The following TMED8 variants were observed in gnomAD, a reference collection of about 807,000 sequenced individuals.
TMED8 encodes transmembrane p24 trafficking protein family member 8.
A neutral mutation model predicts 32.7 loss-of-function variants in TMED8; 15 were observed. The ratio of observed to expected loss-of-function variants is 0.46; its 90% CI spans 0.31 to 0.71. The LOEUF (loss-of-function observed/expected upper bound fraction) is 0.71. TMED8 is among the 30% of genes least tolerant of loss of function. The pLI is 0.06. For missense variants in TMED8, 390 were observed against 423.9 expected, an observed-to-expected ratio of 0.92 and a Z score of 0.70; for synonymous variants, 147 against 161.4, an observed-to-expected ratio of 0.91 and a Z score of 0.68.
At chr14:77,369,620 G>A (rs1453414939) in intron 1 of TMED8, among the ~76,000 whole-genome samples, 1 of 152,106 alleles carries the variant, frequency 6.6e-6, no homozygotes, top group Non-Finnish European at 1.5e-5. Context: ...TGTACCCTCA[G>A]GAGACAAAAG....
intron 1 of TMED8, among the ~76,000 whole-genome samples, chr14:77,370,525 T>TTG (rs142679650): frequency 5.3e-5 from 8 of 152,190 alleles, no homozygotes; most frequent in Admixed American, 2.6e-4. Context: ...CATGCCAAGT[T>TTG]TGTGTGTGTG....
intron 1 of TMED8, among the ~76,000 whole-genome samples, chr14:77,352,592 A>C (rs1380742512): frequency 1.3e-5 from 2 of 151,924 alleles, no homozygotes; most frequent in African/African-American, 4.8e-5. Flanking sequence ...TATAAAAATT[A>C]GCCGGGCATG....
chr14:77,372,956 T>A (rs1273366466), intron 1 of TMED8, among the ~76,000 whole-genome samples: 118 of 39,176 alleles, frequency 3.0e-3, no homozygotes, highest in East Asian at 4.9e-3. Flanking sequence ...ATATATATTT[T>A]TTTTTTTTTT....
Position 77,369,338 on chromosome 14 carries a change from G to T in TMED8, c.118+7598C>A, listed in dbSNP as rs1893625896. ...TTCAAGAGTGTCTTTGCTATTTGTG[G>T]CCTTCTATTTCTATATGTATTTTAG... On this transcript the variant is annotated intron_variant, in intron 1 of 5. Transcript: ENST00000216468. Among the ~76,000 whole-genome samples, 4 of 152,136 alleles carry T rather than the reference G, an allele frequency of 2.6e-5. No homozygotes were observed. The South Asian group carries it at 8.3e-4, about 31-fold the overall frequency.
At position 77,337,448 on chromosome 14, in the gene TMED8, G is replaced by A. The variant is rs941135017; in HGVS notation, c.*4323C>T. 1 of 152,118 alleles carries A rather than the reference G, an allele frequency of 6.6e-6. No individual in the cohort carries two copies. Among genetic ancestry groups the A allele is most frequent in the Non-Finnish European group, 1.5e-5 (1 of 68,046 alleles). 9.4% of individuals were successfully genotyped at this position (152,118 alleles called of 1,614,324 possible). ...CTGTTGCCCAGTCTGGAGTGCAGTGGCATGATCTCGGCTCGCTGCAACCTC... is the reference window on the plus strand; with the variant it reads ...CTGTTGCCCAGTCTGGAGTGCAGTGACATGATCTCGGCTCGCTGCAACCTC... On this transcript the variant is annotated 3_prime_UTR_variant, in exon 6 of 6. Coordinates refer to ENST00000216468, the MANE Select transcript of TMED8 (RefSeq NM_213601.3).
chr14:77,373,751 T>G (rs1248095233), intron 1 of TMED8, among the ~76,000 whole-genome samples: 1 of 152,204 alleles, frequency 6.6e-6, no homozygotes, highest in African/African-American at 2.4e-5. Context: ...TTTCCAATGT[T>G]AGAGGTGAGG....
intron 2 of TMED8, among the ~76,000 whole-genome samples, chr14:77,347,154 G>C (rs1225223940): frequency 6.6e-6 from 1 of 151,888 alleles, no homozygotes; most frequent in Non-Finnish European, 1.5e-5. Flanking sequence ...CTCACTCTGC[G>C]GCCCACAGGG....
At chr14:77,351,253 G>A (rs929353014) in intron 2 of TMED8, among the ~76,000 whole-genome samples, 4 of 150,144 alleles carry the variant, frequency 2.7e-5, no homozygotes, top group Non-Finnish European at 5.9e-5. Flanking sequence ...TTGGGAGGCC[G>A]AGGTGGGCGG....
intron 1 of TMED8, among the ~76,000 whole-genome samples, chr14:77,361,914 C>T (rs12893903): frequency 0.28 from 42,449 of 152,042 alleles, 6,536 homozygotes; most frequent in East Asian, 0.4. Flanking sequence ...CTCAGCCTCC[C>T]GAGTAGCTGA....
intron 1 of TMED8, among the ~76,000 whole-genome samples, chr14:77,353,036 A>G (rs890654737): frequency 3.3e-5 from 5 of 152,214 alleles, no homozygotes; most frequent in African/African-American, 1.2e-4. Context: ...CTCAAGCTCA[A>G]AAGAAGCCTA....
At chr14:77,342,058 G>A in intron 5 of TMED8, 70 bp from the exon 6 acceptor site, 1 of 1,397,540 alleles carries the variant, frequency 7.2e-7, no homozygotes, top group East Asian at 2.4e-5. Context: ...GGAAGGACCA[G>A]GTGACCCAGT....
At chr14:77,346,843 G>A (rs1211106169) in intron 2 of TMED8, among the ~76,000 whole-genome samples, 1 of 137,986 alleles carries the variant, frequency 7.2e-6, no homozygotes, top group Non-Finnish European at 1.5e-5. Context: ...TATTTATGGT[G>A]TACAATGTGC....
At chr14:77,367,317 C>G (rs1178001861) in intron 1 of TMED8, among the ~76,000 whole-genome samples, 2 of 138,164 alleles carry the variant, frequency 1.4e-5, no homozygotes, top group African/African-American at 5.5e-5. Context: ...TAGAAGAGTA[C>G]ACAAAAGTGT....
chr14:77,345,238 C>T (rs1398505808), intron 3 of TMED8, among the ~76,000 whole-genome samples: 3 of 152,170 alleles, frequency 2.0e-5, no homozygotes, highest in South Asian at 4.1e-4. Context: ...CTGCCTGCCT[C>T]GGCCTCCCAA....
intron 3 of TMED8, among the ~76,000 whole-genome samples, chr14:77,345,051 G>A (rs902412514): frequency 2.6e-5 from 4 of 152,066 alleles, no homozygotes; most frequent in Non-Finnish European, 5.9e-5. Flanking sequence ...GCAATGGCAC[G>A]ATCTCAGCTC....
At chr14:77,370,212 A>G (rs954672647) in intron 1 of TMED8, among the ~76,000 whole-genome samples, 1 of 151,976 alleles carries the variant, frequency 6.6e-6, no homozygotes, top group Non-Finnish European at 1.5e-5. Flanking sequence ...TCTCTCTGTC[A>G]TTGATTAATA....
intron 1 of TMED8, among the ~76,000 whole-genome samples, chr14:77,362,496 A>G (rs1351541668): frequency 6.6e-6 from 1 of 152,232 alleles, no homozygotes; most frequent in Non-Finnish European, 1.5e-5. Flanking sequence ...AATAATAAAG[A>G]GAAAGGAATC....
intron 1 of TMED8, among the ~76,000 whole-genome samples, chr14:77,362,130 T>A (rs1332411246): frequency 6.6e-6 from 1 of 152,166 alleles, no homozygotes; most frequent in African/African-American, 2.4e-5. Context: ...TTTGGGGTTA[T>A]TTACATATAA....
chr14:77,353,628 T>C (rs996730241), intron 1 of TMED8, among the ~76,000 whole-genome samples: 2 of 151,534 alleles, frequency 1.3e-5, no homozygotes, highest in East Asian at 1.9e-4. Flanking sequence ...TTTTTTTCTT[T>C]TTTTTTTTGT....
Sources: gnomAD v4.1 joint callset for allele counts (sites outside exome capture counted in the v4.1 genomes callset) on GRCh38, gnomAD v4.1.1 for gene constraint, MANE v1.5 for transcripts, NCBI Gene and HGNC (gene_info 2026-07-23, HGNC 2026-07-21) for gene names.